Variants in C6orf118 observed in about 807,000 individuals in gnomAD.
C6orf118 encodes the protein chromosome 6 open reading frame 118, also known as uncharacterized protein C6orf118.
In C6orf118, 50 loss-of-function variants were observed where a neutral mutation model predicts 50.2. The ratio of observed to expected loss-of-function variants is 1.00; its 90% CI spans 0.79 to 1.26. The LOEUF (loss-of-function observed/expected upper bound fraction) is 1.26, where lower values mean the gene tolerates loss of function less well. Among genes scored for constraint, C6orf118 ranks in the 50% most tolerant of loss-of-function variants. The probability of loss-of-function intolerance (pLI) is 0.00; values close to 1 mark genes in which losing one functional copy is unlikely to be tolerated. For synonymous variants in C6orf118, 239 were observed against 230.9 expected (o/e 1.03, Z -0.32); for missense variants, 641 against 578.7 (o/e 1.11, Z -1.10).
chr6:165,281,807 AG>A, intron 7 of C6orf118, 114 bp from the exon 8 acceptor site: 2 of 541,184 alleles, frequency 3.7e-6, no homozygotes, highest in Non-Finnish European at 6.1e-6. Context: ...AGTACTCAAT[AG>A]CACATTACTT....
intron 5 of C6orf118, among the ~76,000 whole-genome samples, chr6:165,295,669 T>C (rs1279193424): frequency 6.6e-6 from 1 of 151,944 alleles, no homozygotes; most frequent in Non-Finnish European, 1.5e-5. Context: ...TTCGGTGTTG[T>C]TTTGATTTCC....
rs373366115 is a variant in C6orf118, at chr6:165,298,014, C to G, written c.1024G>C (p.Val342Leu). 3 of 1,613,986 alleles carry G rather than the reference C, an allele frequency of 1.9e-6. No homozygotes were observed. In the East Asian group the frequency reaches 6.7e-5, roughly 36 times the overall value. Residue 342 changes from valine to leucine, a missense_variant, in exon 5 of 9, where the codon GTG becomes CTG. Transcript: ENST00000230301. ...DLAREELRML[V>L]TATKAALEQN... ...TCCAGGGCTGCTTTTGTGGCTGTCACGAGCATCCTCAGCTCTTCCCTGGCG... is the reference window on the plus strand; with the variant it reads ...TCCAGGGCTGCTTTTGTGGCTGTCAGGAGCATCCTCAGCTCTTCCCTGGCG...
chr6:165,283,979 G>A (rs1199582568), intron 7 of C6orf118, among the ~76,000 whole-genome samples: 1 of 152,170 alleles, frequency 6.6e-6, no homozygotes, highest in African/African-American at 2.4e-5. Flanking sequence ...AGGCTGAGAT[G>A]GATGAACTGA....
chr6:165,301,275 C>T (rs1478614934), intron 2 of C6orf118, among the ~76,000 whole-genome samples: 2 of 152,116 alleles, frequency 1.3e-5, no homozygotes, highest in Non-Finnish European at 2.9e-5. Context: ...CAGAGCACTG[C>T]GCCCAGAGGC....
intron 7 of C6orf118, 57 bp from the exon 8 acceptor site, chr6:165,281,750 T>C: frequency 9.1e-7 from 1 of 1,099,794 alleles, no homozygotes. Flanking sequence ...TTGTTAATTA[T>C]TTTTCTCTAT....
At chr6:165,297,399 A>AT (rs1189451072) in intron 5 of C6orf118, among the ~76,000 whole-genome samples, 6 of 146,674 alleles carry the variant, frequency 4.1e-5, no homozygotes, top group African/African-American at 1.6e-4. Flanking sequence ...GCAAGTCTCC[A>AT]TTAAAAAAAA....
rs142001393 is a variant in C6orf118, at chr6:165,301,952, G to A, written c.370C>T (p.Gln124Ter). Residue 124 changes from glutamine to a stop codon, truncating the protein, a stop_gained, in exon 2 of 9, where the codon CAG becomes TAG. Transcript: ENST00000230301. LOFTEE classifies it high-confidence loss of function. ...AGGTACCTGAACAGCGGGGTGTCCT[G>A]GGCCTCACTGGGGACCAGGGCCGTG... ...IHTALVPSEA[Q>*]DTPLFRYLNP... is the part of the protein sequence containing the mutation. 1 of 1,613,666 alleles carries A rather than the reference G, an allele frequency of 6.2e-7. No individual in the cohort carries two copies. The highest frequency in any genetic ancestry group is 8.5e-7 in the Non-Finnish European group (1 of 1,179,998).
intron 1 of C6orf118, among the ~76,000 whole-genome samples, chr6:165,308,090 G>A (rs1451402270): frequency 6.6e-6 from 1 of 152,240 alleles, no homozygotes; most frequent in Admixed American, 6.5e-5. Flanking sequence ...GGCCACAGGG[G>A]ACCTGAGCCC....
At position 165,306,526 on chromosome 6, in the gene C6orf118, A is replaced by G. The variant is rs1349097765; in HGVS notation, c.25+3036T>C. On this transcript the variant is annotated intron_variant, in intron 1 of 8. Coordinates refer to ENST00000230301, the MANE Select transcript of C6orf118 (RefSeq NM_144980.4). ...TAATATTCATAGAAATGGAATTTCTAGGTGAATGCAAAAAAAAAAAAAAAA... is the reference window on the plus strand; with the variant it reads ...TAATATTCATAGAAATGGAATTTCTGGGTGAATGCAAAAAAAAAAAAAAAA... Among the ~76,000 whole-genome samples the G allele has an allele frequency of 9.7e-5, 12 of 123,696 alleles. No individual in the cohort carries two copies. In the Admixed American group the frequency reaches 1.0e-3, roughly 11 times the overall value. 81.1% of individuals were successfully genotyped at this position (123,696 alleles called of 152,430 possible).
At position 165,301,859 on chromosome 6, in the gene C6orf118, C is replaced by G; in HGVS notation, c.463G>C (p.Gly155Arg). 2.5e-6 allele frequency: 4 copies of G among 1,613,840 alleles called. No individual in the cohort carries two copies. The highest frequency in any genetic ancestry group is 3.4e-6 in the Non-Finnish European group (4 of 1,180,006). ...DFLPVEAVREGKEEKKGGPPG... is the reference protein window; with the variant it reads ...DFLPVEAVRERKEEKKGGPPG... ...GGGCCTCCTTTCTTTTCTTCCTTCC[C>G]CTCTCTGACAGCCTCCACTGGAAGG... The change falls in exon 2 of 9, where the codon GGG becomes CGG. Residue 155 changes from glycine (G) to arginine (R), a missense_variant. Coordinates refer to ENST00000230301, the MANE Select transcript of C6orf118 (RefSeq NM_144980.4).
chr6:165,308,340 G>A (rs1194794417), intron 1 of C6orf118, among the ~76,000 whole-genome samples: 2 of 152,136 alleles, frequency 1.3e-5, no homozygotes, highest in South Asian at 2.1e-4. Flanking sequence ...AGGGAGAGGT[G>A]GAAGAAAGGG....
chr6:165,279,782 A>G lies in C6orf118; in HGVS notation c.*275T>C, dbSNP rs964639899. The G allele has an allele frequency of 1.8e-5, 6 of 325,242 alleles. No homozygotes were observed. The highest frequency in any genetic ancestry group is 1.7e-3 in the Middle Eastern group (2 of 1,206). The allele number at this position is 325,242 out of a possible 1,614,324, so 20.1% of individuals were successfully genotyped here. Reference sequence around the variant, plus strand: ...TCCTTATTCTTAGCAAATAATCAAAAGTATTTTCCAAAGTTGAACATTATT... The same window carrying G: ...TCCTTATTCTTAGCAAATAATCAAAGGTATTTTCCAAAGTTGAACATTATT... On this transcript the variant is annotated 3_prime_UTR_variant, in exon 9 of 9. Transcript: ENST00000230301.
chr6:165,292,398 T>C (rs1413576197), intron 6 of C6orf118, among the ~76,000 whole-genome samples: 1 of 152,138 alleles, frequency 6.6e-6, no homozygotes, highest in Non-Finnish European at 1.5e-5. Context: ...TGGGCTAGGA[T>C]CAAACACGAA....
At chr6:165,291,925 G>A (rs1780118453) in intron 6 of C6orf118, among the ~76,000 whole-genome samples, 1 of 152,100 alleles carries the variant, frequency 6.6e-6, no homozygotes, top group South Asian at 2.1e-4. Flanking sequence ...TAGTAAACAA[G>A]GTGGAAGTAA....
chr6:165,283,074 A>G (rs1362941442), intron 7 of C6orf118, among the ~76,000 whole-genome samples: 1 of 152,212 alleles, frequency 6.6e-6, no homozygotes, highest in Non-Finnish European at 1.5e-5. Flanking sequence ...GACTAGAAGC[A>G]GCTGCTGTCA....
At chr6:165,307,153 A>G (rs888128311) in intron 1 of C6orf118, among the ~76,000 whole-genome samples, 2 of 152,292 alleles carry the variant, frequency 1.3e-5, no homozygotes, top group South Asian at 4.1e-4. Flanking sequence ...AGTATTAAAC[A>G]TTTTTAAACA....
chr6:165,282,320 T>C (rs1779755104), intron 7 of C6orf118, among the ~76,000 whole-genome samples: 1 of 152,156 alleles, frequency 6.6e-6, no homozygotes, highest in Non-Finnish European at 1.5e-5. Context: ...GTATTCAGGA[T>C]AACTGTGAAC....
intron 7 of C6orf118, among the ~76,000 whole-genome samples, chr6:165,285,936 G>A (rs1489026500): frequency 6.6e-6 from 1 of 151,502 alleles, no homozygotes; most frequent in Non-Finnish European, 1.5e-5. Flanking sequence ...TGGCAGAACT[G>A]AAGGAAATAG....
intron 5 of C6orf118, among the ~76,000 whole-genome samples, chr6:165,295,650 T>C: frequency 1.0e-5 from 1 of 97,660 alleles, no homozygotes; most frequent in Non-Finnish European, 2.0e-5. Flanking sequence ...TGATTTATTG[T>C]TTTTTTTTTT....
Sources: allele counts gnomAD v4.1 joint callset (sites outside exome capture counted in the v4.1 genomes callset), GRCh38; gene constraint gnomAD v4.1.1; transcripts MANE v1.5; gene names NCBI Gene and HGNC (gene_info 2026-07-23, HGNC 2026-07-21).